Variants in NENF observed in about 807,000 individuals in gnomAD.
The protein encoded by NENF is neudesin.
In NENF, 6 loss-of-function variants were observed where a neutral mutation model predicts 14.8. The ratio of observed to expected loss-of-function variants is 0.40; its 90% CI spans 0.22 to 0.80. NENF has a LOEUF of 0.80. NENF is among the 30% of genes least tolerant of loss of function. The pLI, the probability that NENF is intolerant of heterozygous loss-of-function variation, is 0.34. For synonymous variants in NENF, 76 were observed against 95.1 expected (o/e 0.80, Z 1.17); for missense variants, 184 against 212.7 (o/e 0.87, Z 0.84).
intron 2 of NENF, among the ~76,000 whole-genome samples, chr1:212,443,441 T>C (rs1013180813): frequency 5.9e-5 from 9 of 152,206 alleles, no homozygotes; most frequent in Non-Finnish European, 1.2e-4. Flanking sequence ...AGTCTCGCTC[T>C]GTCGCCCAGG....
At chr1:212,444,057 CA>C (rs1662737522) in intron 2 of NENF, among the ~76,000 whole-genome samples, 1 of 150,782 alleles carries the variant, frequency 6.6e-6, no homozygotes, top group South Asian at 2.1e-4. Context: ...CAAAAAAAAA[CA>C]ACAACAAAAG....
At chr1:212,440,209 AC>A (rs111649023) in intron 1 of NENF, among the ~76,000 whole-genome samples, 10 of 143,272 alleles carry the variant, frequency 7.0e-5, no homozygotes, top group African/African-American at 2.6e-4. Flanking sequence ...CCGATATTGT[AC>A]CACTGCACTC....
intron 1 of NENF, among the ~76,000 whole-genome samples, chr1:212,435,547 C>CTT (rs58631608): frequency 4.6e-4 from 61 of 132,826 alleles, no homozygotes; most frequent in Admixed American, 7.0e-4. Context: ...AGTTTTTTTC[C>CTT]TTTTTTTTTT....
At chr1:212,434,779 A>G (rs1180105819) in intron 1 of NENF, 2 of 152,246 alleles carry the variant, frequency 1.3e-5, no homozygotes, top group Non-Finnish European at 1.5e-5. Flanking sequence ...TTCACCACTG[A>G]GGTTACAGCA....
chr1:212,434,040 G>A (rs1021880367), intron 1 of NENF, among the ~76,000 whole-genome samples: 1 of 152,138 alleles, frequency 6.6e-6, no homozygotes, highest in Non-Finnish European at 1.5e-5. Flanking sequence ...GCCTGGTCTC[G>A]CTAATTCCTG....
Position 212,446,076 on chromosome 1 carries a change from A to G in NENF, c.*70A>G. The G allele has an allele frequency of 6.5e-7, 1 of 1,546,234 alleles. No individual in the cohort carries two copies. Among genetic ancestry groups the G allele is most frequent in the South Asian group, 1.1e-5 (1 of 87,238 alleles). Reference sequence around the variant, plus strand: ...GACACTAGGTGCTGAATCTCCTGCAAAACTGGCTGCCTGGAGGCCCTGAGC... The same window carrying G: ...GACACTAGGTGCTGAATCTCCTGCAGAACTGGCTGCCTGGAGGCCCTGAGC... On this transcript the variant is annotated 3_prime_UTR_variant, in exon 4 of 4. Transcript: ENST00000366988.
chr1:212,443,267 G>T (rs2102570898), intron 2 of NENF, among the ~76,000 whole-genome samples: 1 of 152,282 alleles, frequency 6.6e-6, no homozygotes, highest in East Asian at 1.9e-4. Flanking sequence ...ACATTTTAGT[G>T]CCATTTAATG....
rs184604841 is a variant in NENF at position 212,443,753 on chromosome 1, C to T, written c.239-586C>T. Among the ~76,000 whole-genome samples, 228 of 151,970 alleles carry T rather than the reference C, an allele frequency of 1.5e-3. 1 individual carries two copies. The highest frequency in any genetic ancestry group is 2.5e-3 in the Non-Finnish European group (168 of 67,956). On this transcript the variant is annotated intron_variant, in intron 2 of 3. Coordinates refer to ENST00000366988, the MANE Select transcript of NENF (RefSeq NM_013349.5). ...TTAACACTTAGGTGAAAAAACAGAA[C>T]GAGAAGGGGGCTAGGCACAGTGGCT...
At chr1:212,437,777 T>G (rs550776102) in intron 1 of NENF, among the ~76,000 whole-genome samples, 2 of 152,334 alleles carry the variant, frequency 1.3e-5, no homozygotes, top group East Asian at 3.9e-4. Flanking sequence ...TTGTAGGGCC[T>G]CAGAGTGATC....
rs114444433 is a variant in NENF at position 212,444,689 on chromosome 1, C to T, written c.342+247C>T. ...ATGTCATCTCGACTCAGAAACCTTCCATGGCTGTCTGTTGCCTAGAGTCAA... is the reference window on the plus strand; with the variant it reads ...ATGTCATCTCGACTCAGAAACCTTCTATGGCTGTCTGTTGCCTAGAGTCAA... On this transcript the variant is annotated intron_variant, in intron 3 of 3. Transcript: ENST00000366988. 8.7e-3 allele frequency among the ~76,000 whole-genome samples: 1,322 copies of T among 152,156 alleles called. 18 individuals are homozygous for T. The highest frequency in any genetic ancestry group is 0.03 in the African/African-American group (1,266 of 41,512).
chr1:212,437,152 A>G (rs750003014), intron 1 of NENF, among the ~76,000 whole-genome samples: 30 of 152,330 alleles, frequency 2.0e-4, no homozygotes, highest in Admixed American at 5.2e-4. Context: ...GAAATCTAAT[A>G]AACTCTGAAA....
chr1:212,440,635 T>C (rs1460236722), intron 1 of NENF, among the ~76,000 whole-genome samples: 1 of 152,180 alleles, frequency 6.6e-6, no homozygotes, highest in Non-Finnish European at 1.5e-5. Flanking sequence ...TTACGTACAC[T>C]CTTTTCCTCA....
At chr1:212,437,524 T>TA (rs1032284246) in intron 1 of NENF, among the ~76,000 whole-genome samples, 6 of 151,932 alleles carry the variant, frequency 3.9e-5, no homozygotes, top group South Asian at 4.2e-4. Flanking sequence ...CTACTAGATA[T>TA]AAAAAAACCT....
intron 1 of NENF, chr1:212,435,102 G>A (rs1449314226): frequency 6.6e-6 from 1 of 152,200 alleles, no homozygotes; most frequent in African/African-American, 2.4e-5. Flanking sequence ...CTTTCACTCA[G>A]AAGTGTGACA....
At chr1:212,443,793 C>G (rs774718413) in intron 2 of NENF, among the ~76,000 whole-genome samples, 9 of 151,884 alleles carry the variant, frequency 5.9e-5, no homozygotes, top group Non-Finnish European at 1.3e-4. Flanking sequence ...CTTGTAATCC[C>G]AGCGCTTTAG....
chr1:212,439,124 A>G (rs1662656542), intron 1 of NENF, among the ~76,000 whole-genome samples: 1 of 152,036 alleles, frequency 6.6e-6, no homozygotes, highest in Non-Finnish European at 1.5e-5. Context: ...TATCTATGTC[A>G]CTCTGAGGCC....
Position 212,433,232 on chromosome 1 carries a change from C to A in NENF, c.177+112C>A. The A allele has an allele frequency of 1.5e-6, 1 of 659,814 alleles. No homozygotes were observed. Among genetic ancestry groups the A allele is most frequent in the Non-Finnish European group, 2.0e-6 (1 of 497,020 alleles). 40.9% of individuals were successfully genotyped at this position (659,814 alleles called of 1,614,324 possible). ...CCAGGAAGCTCTGGGGGACGCGCGG[C>A]CCGCGGCGGGCGCCCTGGGCCGGCG... is the stretch of plus-strand genomic sequence containing the variant. On this transcript the variant is annotated intron_variant, in intron 1 of 3. Coordinates refer to ENST00000366988, the MANE Select transcript of NENF (RefSeq NM_013349.5). This position sits in a 1 kb window ranked among gnomAD's most constrained non-coding sequence, Gnocchi z 5.5.
chr1:212,446,094 C>A lies in NENF; in HGVS notation c.*88C>A. On this transcript the variant is annotated 3_prime_UTR_variant, in exon 4 of 4. Coordinates refer to ENST00000366988, the MANE Select transcript of NENF (RefSeq NM_013349.5). ...TCCTGCAAAACTGGCTGCCTGGAGG[C>A]CCTGAGCCACCCAGATCTGAATAAA... is the stretch of plus-strand genomic sequence containing the variant. 2 of 1,268,374 alleles carry A rather than the reference C, an allele frequency of 1.6e-6. No homozygotes were observed. Among genetic ancestry groups the A allele is most frequent in the Non-Finnish European group, 2.3e-6 (2 of 882,234 alleles). The allele number at this position is 1,268,374 out of a possible 1,614,324, so 78.6% of individuals were successfully genotyped here.
chr1:212,433,956 A>T lies in NENF; in HGVS notation c.177+836A>T, dbSNP rs938766073. 6.6e-6 allele frequency among the ~76,000 whole-genome samples: 1 copy of T among 152,176 alleles called. No homozygotes were observed. The highest frequency in any genetic ancestry group is 1.5e-5 in the Non-Finnish European group (1 of 68,036). On this transcript the variant is annotated intron_variant, in intron 1 of 3. Coordinates refer to ENST00000366988, the MANE Select transcript of NENF (RefSeq NM_013349.5). This position sits in a 1 kb window ranked among gnomAD's most constrained non-coding sequence, Gnocchi z 5.5. ...GCAGGAACCCATCTCCTGCTTTTACACATAAGGAAACTGAGGCCTGCCACC... is the reference window on the plus strand; with the variant it reads ...GCAGGAACCCATCTCCTGCTTTTACTCATAAGGAAACTGAGGCCTGCCACC...
Sources: allele counts gnomAD v4.1 joint callset (sites outside exome capture counted in the v4.1 genomes callset), GRCh38; gene constraint gnomAD v4.1.1; non-coding constraint Gnocchi (gnomAD v3.1); transcripts MANE v1.5; gene names NCBI Gene and HGNC (gene_info 2026-07-23, HGNC 2026-07-21).